TRPC5: variants seen among roughly 807,000 people sequenced by gnomAD.
The protein encoded by TRPC5 is transient receptor potential cation channel subfamily C member 5.
In TRPC5, 9 loss-of-function variants were observed where a neutral mutation model predicts 56.5. The ratio of observed to expected loss-of-function variants is 0.16; its 90% CI spans 0.10 to 0.28. TRPC5 has a LOEUF of 0.28. Ranked by LOEUF, TRPC5 falls within the 10% of genes least tolerant of loss-of-function variation. The pLI is 1.00. For synonymous variants in TRPC5, 282 were observed against 278.5 expected, an observed-to-expected ratio of 1.01 and a Z score of -0.13; for missense variants, 469 against 748.9, an observed-to-expected ratio of 0.63 and a Z score of 4.36.
At chrX:112,037,402 A>C (rs1199896313) in intron 1 of TRPC5, among the ~76,000 whole-genome samples, 1 of 111,866 alleles carries the variant, frequency 8.9e-6, no homozygotes. Flanking sequence ...GATTGGCAAA[A>C]ATAGTTAATC....
At chrX:112,001,692 C>T (rs181881927) in intron 1 of TRPC5, among the ~76,000 whole-genome samples, 3 of 111,567 alleles carry the variant, frequency 2.7e-5, no homozygotes, top group East Asian at 2.8e-4. Context: ...ACCTGGGAGT[C>T]GGAGGTTGCA....
chrX:111,857,095 G>A (rs1258063186), intron 3 of TRPC5, among the ~76,000 whole-genome samples: 3 of 111,329 alleles, frequency 2.7e-5, no homozygotes, highest in East Asian at 5.7e-4. Context: ...ACATAGTAAG[G>A]GCTCATTAAA....
At chrX:111,843,873 A>AGTGTGTGT (rs547330564) in intron 6 of TRPC5, among the ~76,000 whole-genome samples, 94 of 72,601 alleles carry the variant, frequency 1.3e-3, no homozygotes, top group African/African-American at 4.0e-3. Flanking sequence ...CAGTGGGATG[A>AGTGTGTGT]GTGTGTGTGT....
intron 1 of TRPC5, among the ~76,000 whole-genome samples, chrX:111,981,902 C>T: frequency 8.9e-6 from 1 of 112,005 alleles, no homozygotes; most frequent in Non-Finnish European, 1.9e-5. Flanking sequence ...GAATTGTAAT[C>T]CCCACATGTC....
chrX:112,047,847 A>C (rs768963323), intron 1 of TRPC5, among the ~76,000 whole-genome samples: 146 of 111,895 alleles, frequency 1.3e-3, no homozygotes, highest in Non-Finnish European at 2.6e-3. Context: ...TGTCTAATCT[A>C]AAGAAAGACT....
intron 1 of TRPC5, among the ~76,000 whole-genome samples, chrX:111,967,183 T>A (rs938532967): frequency 1.4e-4 from 15 of 111,079 alleles, no homozygotes; most frequent in Non-Finnish European, 7.5e-5. Context: ...TATAAACCAA[T>A]AACAGACAAA....
chrX:111,834,838 C>T, intron 7 of TRPC5, 83 bp downstream of exon 7: 1 of 727,851 alleles, frequency 1.4e-6, no homozygotes, highest in Non-Finnish European at 2.0e-6. Context: ...CGAACTCTTT[C>T]ATTGAGCTTC....
At chrX:111,937,283 A>G (rs1181725839) in intron 2 of TRPC5, among the ~76,000 whole-genome samples, 1 of 103,399 alleles carries the variant, frequency 9.7e-6, no homozygotes, top group Non-Finnish European at 2.0e-5. Flanking sequence ...ATTTTCTCCC[A>G]TTTTGTAGGT....
chrX:111,905,844 G>A (rs2148617139), intron 3 of TRPC5, among the ~76,000 whole-genome samples: 1 of 106,292 alleles, frequency 9.4e-6, no homozygotes, highest in African/African-American at 3.5e-5. Flanking sequence ...GAACCTGGGA[G>A]GCGGAGCTTG....
intron 1 of TRPC5, among the ~76,000 whole-genome samples, chrX:112,060,237 GAC>G (rs1930431016): frequency 8.9e-6 from 1 of 111,840 alleles, no homozygotes; most frequent in African/African-American, 3.3e-5. Context: ...GTTACTGCCT[GAC>G]ACCTGAGGAT....
chrX:111,801,213 A>G (rs1921299818), intron 7 of TRPC5, among the ~76,000 whole-genome samples: 1 of 112,154 alleles, frequency 8.9e-6, no homozygotes, highest in Non-Finnish European at 1.9e-5. Flanking sequence ...CCAATTTTGT[A>G]ACGTGTCGGT....
chrX:111,893,295 T>A (rs1194560376), intron 3 of TRPC5, among the ~76,000 whole-genome samples: 2 of 111,042 alleles, frequency 1.8e-5, no homozygotes, highest in Non-Finnish European at 3.8e-5. Context: ...GCTGTAATAT[T>A]TGAAAACCAA....
chrX:111,843,873 AGT>A (rs547330564), intron 6 of TRPC5, among the ~76,000 whole-genome samples: 7,854 of 71,990 alleles, frequency 0.11, 277 homozygotes, highest in African/African-American at 0.15. Flanking sequence ...CAGTGGGATG[AGT>A]GTGTGTGTGT....
chrX:111,847,993 G>A (rs190140375), intron 5 of TRPC5, among the ~76,000 whole-genome samples: 1 of 111,539 alleles, frequency 9.0e-6, no homozygotes, highest in African/African-American at 3.3e-5. Flanking sequence ...AGGATCCTTA[G>A]GGAGCCATTC....
intron 6 of TRPC5, among the ~76,000 whole-genome samples, chrX:111,843,817 C>T (rs1436693275): frequency 4.7e-5 from 5 of 107,297 alleles, no homozygotes; most frequent in African/African-American, 1.7e-4. Context: ...AGTCAAGAGT[C>T]TGTTGCCACA....
At chrX:111,933,439 C>T (rs1203396078) in intron 2 of TRPC5, among the ~76,000 whole-genome samples, 1 of 110,570 alleles carries the variant, frequency 9.0e-6, no homozygotes, top group Non-Finnish European at 1.9e-5. Context: ...TGCCCAGGGA[C>T]AGACAATAGG....
chrX:111,938,358 C>T (rs767918780), intron 2 of TRPC5, among the ~76,000 whole-genome samples: 2,208 of 102,571 alleles, frequency 0.022, 81 homozygotes, highest in African/African-American at 0.079. Flanking sequence ...TGCCTAATTG[C>T]CCTGGCCAGA....
At chrX:111,791,082 C>T (rs1465790895) in intron 7 of TRPC5, among the ~76,000 whole-genome samples, 1 of 84,938 alleles carries the variant, frequency 1.2e-5, no homozygotes, top group African/African-American at 4.3e-5. Flanking sequence ...CCTCAGGGAA[C>T]ATCTCTGAAG....
intron 6 of TRPC5, among the ~76,000 whole-genome samples, chrX:111,836,687 C>T (rs1342145007): frequency 2.7e-5 from 3 of 112,378 alleles, no homozygotes; most frequent in Non-Finnish European, 3.8e-5. Context: ...TTTTCCGTCC[C>T]TCTCTACTAT....
Sources: gnomAD v4.1 joint callset for allele counts (sites outside exome capture counted in the v4.1 genomes callset) on GRCh38, gnomAD v4.1.1 for gene constraint, MANE v1.5 for transcripts, NCBI Gene and HGNC (gene_info 2026-07-23, HGNC 2026-07-21) for gene names.